Variants in SPOCK3 observed in about 807,000 individuals in gnomAD.
SPOCK3 encodes testican-3.
Under a neutral mutation model 56.6 loss-of-function variants are expected in SPOCK3, and 30 were observed. The ratio of observed to expected loss-of-function variants is 0.53; its 90% confidence interval spans 0.40 to 0.72. The LOEUF (loss-of-function observed/expected upper bound fraction) is 0.72, where lower values mean the gene tolerates loss of function less well. Among genes scored for constraint, SPOCK3 ranks in the 30% least tolerant of loss-of-function variants. The pLI, the probability that SPOCK3 is intolerant of heterozygous loss-of-function variation, is 0.00. For synonymous variants in SPOCK3, 196 were observed against 183.3 expected (o/e 1.07, Z -0.56); for missense variants, 527 against 530.0 (o/e 0.99, Z 0.06).
intron 6 of SPOCK3, among the ~76,000 whole-genome samples, chr4:166,833,563 T>C (rs1357003463): frequency 2.0e-5 from 3 of 152,202 alleles, no homozygotes; most frequent in Non-Finnish European, 4.4e-5. Context: ...CATTTACACT[T>C]ATAGTAATAT....
At chr4:167,088,707 CCCT>C (rs1758431867) in intron 2 of SPOCK3, among the ~76,000 whole-genome samples, 2 of 152,062 alleles carry the variant, frequency 1.3e-5, no homozygotes, top group East Asian at 1.9e-4. Context: ...TCGTGATCGG[CCCT>C]CCTGGGCCTC....
In SPOCK3 at chr4:167,114,697, G is replaced by A. The variant is rs559977040; in HGVS notation, c.190-52160C>T. On this transcript the variant is annotated intron_variant, in intron 2 of 10. Transcript: ENST00000357545. ...CCTGAGACTTTCACTTGAGATTTCTGAAAATAAATAACTCTGAGTAATGCA... is the reference window on the plus strand; with the variant it reads ...CCTGAGACTTTCACTTGAGATTTCTAAAAATAAATAACTCTGAGTAATGCA... 1.1e-4 allele frequency among the ~76,000 whole-genome samples: 17 copies of A among 152,244 alleles called. No homozygotes were observed. The South Asian group carries it at 3.3e-3, about 30-fold the overall frequency.
intron 8 of SPOCK3, among the ~76,000 whole-genome samples, chr4:166,748,754 A>C (rs1266853602): frequency 7.3e-6 from 1 of 137,572 alleles, no homozygotes; most frequent in Non-Finnish European, 1.5e-5. Flanking sequence ...AAGGGCTAAC[A>C]TCCAGAATCC....
intron 2 of SPOCK3, among the ~76,000 whole-genome samples, chr4:167,145,742 T>C (rs1413435305): frequency 6.6e-6 from 1 of 152,116 alleles, no homozygotes; most frequent in African/African-American, 2.4e-5. Flanking sequence ...TAAAATCCTT[T>C]ACAGACAAGC....
intron 2 of SPOCK3, among the ~76,000 whole-genome samples, chr4:167,128,179 C>T (rs1032178612): frequency 2.0e-5 from 3 of 152,082 alleles, no homozygotes; most frequent in Non-Finnish European, 2.9e-5. Flanking sequence ...ACTTTTTCCC[C>T]GAATACTCAA....
chr4:166,941,257 G>A (rs1370345985), intron 4 of SPOCK3, among the ~76,000 whole-genome samples: 1 of 152,104 alleles, frequency 6.6e-6, no homozygotes, highest in African/African-American at 2.4e-5. Flanking sequence ...AGAATCTGTG[G>A]ACAAGAGAAA....
chr4:166,962,780 A>C (rs951761423), intron 4 of SPOCK3, among the ~76,000 whole-genome samples: 4 of 152,058 alleles, frequency 2.6e-5, no homozygotes, highest in Non-Finnish European at 5.9e-5. Flanking sequence ...TTAATCAAAG[A>C]ACAAATTATT....
intron 6 of SPOCK3, among the ~76,000 whole-genome samples, chr4:166,864,336 T>C (rs544907648): frequency 5.9e-5 from 9 of 152,208 alleles, no homozygotes; most frequent in African/African-American, 2.2e-4. Flanking sequence ...GCTGGAAAGA[T>C]CTGAAATTGA....
chr4:166,972,180 A>G (rs1462318203), intron 4 of SPOCK3, among the ~76,000 whole-genome samples: 2 of 152,186 alleles, frequency 1.3e-5, no homozygotes, highest in African/African-American at 4.8e-5. Context: ...CTTCAAAACT[A>G]GCAGATTGAT....
At chr4:167,156,268 T>C (rs148876387) in intron 2 of SPOCK3, among the ~76,000 whole-genome samples, 1 of 152,154 alleles carries the variant, frequency 6.6e-6, no homozygotes. Flanking sequence ...TATAGAGATA[T>C]AGTTAATGGG....
At chr4:166,901,872 T>A (rs1736088096) in intron 5 of SPOCK3, among the ~76,000 whole-genome samples, 1 of 152,096 alleles carries the variant, frequency 6.6e-6, no homozygotes, top group African/African-American at 2.4e-5. Context: ...CTTGATGATA[T>A]CCTTAATTAA....
At chr4:167,205,577 T>TA (rs1321554161) in intron 2 of SPOCK3, among the ~76,000 whole-genome samples, 5 of 84,234 alleles carry the variant, frequency 5.9e-5, no homozygotes, top group African/African-American at 2.4e-4. Flanking sequence ...ATATATATAA[T>TA]ATAATATAAA....
At chr4:166,742,201 C>T (rs1734917861) in intron 8 of SPOCK3, 142 bp from the exon 9 acceptor site, 2 of 603,398 alleles carry the variant, frequency 3.3e-6, no homozygotes, top group African/African-American at 1.9e-5. Flanking sequence ...TATAAAGATA[C>T]ATTCATATAG....
In SPOCK3 at chr4:166,836,283, T is replaced by C. The variant is rs994216688; in HGVS notation, c.590-43994A>G. ...AGAACAAAACAGTGCAAGAATAATA[T>C]AACAAAGATTCATGTATTAAATTCT... On this transcript the variant is annotated intron_variant, in intron 6 of 10. Coordinates refer to ENST00000357545, the MANE Select transcript of SPOCK3 (RefSeq NM_001040159.2). Among the ~76,000 whole-genome samples the C allele has an allele frequency of 2.6e-5, 4 of 152,306 alleles. No homozygotes were observed. The East Asian group carries it at 5.8e-4, about 22-fold the overall frequency.
chr4:166,787,836 T>C (rs1046459333), intron 7 of SPOCK3, among the ~76,000 whole-genome samples: 2 of 152,162 alleles, frequency 1.3e-5, no homozygotes, highest in African/African-American at 4.8e-5. Flanking sequence ...TATATATAGG[T>C]ATACTGATGC....
intron 2 of SPOCK3, among the ~76,000 whole-genome samples, chr4:167,223,401 A>G (rs1736267208): frequency 6.7e-6 from 1 of 148,396 alleles, no homozygotes; most frequent in Non-Finnish European, 1.5e-5. Context: ...ATTATATTAT[A>G]TATAGAGAGA....
At chr4:166,917,433 G>T (rs776556025) in intron 4 of SPOCK3, among the ~76,000 whole-genome samples, 2 of 152,062 alleles carry the variant, frequency 1.3e-5, no homozygotes, top group Non-Finnish European at 2.9e-5. Flanking sequence ...GATGTGGTTG[G>T]ATTATGACGT....
chr4:167,044,574 G>T (rs990906820), intron 3 of SPOCK3, among the ~76,000 whole-genome samples: 1 of 151,922 alleles, frequency 6.6e-6, no homozygotes, highest in Non-Finnish European at 1.5e-5. Context: ...TGTAAGCACT[G>T]CTTTCACTGC....
intron 3 of SPOCK3, among the ~76,000 whole-genome samples, chr4:167,054,034 T>A (rs892276151): frequency 1.3e-5 from 2 of 152,176 alleles, no homozygotes; most frequent in African/African-American, 4.8e-5. Context: ...CCAAGTTCCT[T>A]TGGATAGCAA....
Sources: allele counts gnomAD v4.1 joint callset (sites outside exome capture counted in the v4.1 genomes callset), GRCh38; gene constraint gnomAD v4.1.1; transcripts MANE v1.5; gene names NCBI Gene and HGNC (gene_info 2026-07-23, HGNC 2026-07-21).